Variants in PITPNC1 observed in about 807,000 individuals in gnomAD.
PITPNC1 encodes the protein cytoplasmic phosphatidylinositol transfer protein 1.
Under a neutral mutation model 44.7 loss-of-function variants are expected in PITPNC1, and 18 were observed. The ratio of observed to expected loss-of-function variants is 0.40; its 90% CI spans 0.28 to 0.60. The LOEUF is 0.60. Among genes scored for constraint, PITPNC1 ranks in the 20% least tolerant of loss-of-function variants. The pLI is 0.39. For missense variants in PITPNC1, 290 were observed against 418.4 expected (o/e 0.69, Z 2.68); for synonymous variants, 141 against 149.6 (o/e 0.94, Z 0.42).
At chr17:67,635,793 G>A (rs2042025010) in intron 6 of PITPNC1, among the ~76,000 whole-genome samples, 1 of 152,176 alleles carries the variant, frequency 6.6e-6, no homozygotes, top group Non-Finnish European at 1.5e-5. Flanking sequence ...GGTGCTGAAT[G>A]CTGCCAAGAG....
intron 8 of PITPNC1, among the ~76,000 whole-genome samples, chr17:67,683,637 T>C (rs1282618499): frequency 6.6e-6 from 1 of 152,196 alleles, no homozygotes; most frequent in African/African-American, 2.4e-5. Flanking sequence ...GATTTTCTTT[T>C]ATAGAATTTT....
intron 6 of PITPNC1, among the ~76,000 whole-genome samples, chr17:67,664,069 T>C (rs932613328): frequency 2.6e-5 from 4 of 152,148 alleles, no homozygotes; most frequent in African/African-American, 9.7e-5. Context: ...TTCAAGCAGT[T>C]CTCCTTTCCC....
chr17:67,426,165 G>A lies in PITPNC1; in HGVS notation c.48+47963G>A, dbSNP rs1486956600. Among the ~76,000 whole-genome samples, 8 of 152,160 alleles carry A rather than the reference G, an allele frequency of 5.3e-5. 1 individual carries two copies. The highest frequency in any genetic ancestry group is 4.6e-4 in the Admixed American group (7 of 15,262). On this transcript the variant is annotated intron_variant, in intron 1 of 8. Coordinates refer to ENST00000581322, the MANE Select transcript of PITPNC1 (RefSeq NM_012417.4). ...ATGCTTTTACACTGTTGGTGGGAAG[G>A]TAAATTCGTTCCACCATTGTGGAAG...
At chr17:67,432,857 G>C (rs2038876658) in intron 1 of PITPNC1, among the ~76,000 whole-genome samples, 1 of 152,156 alleles carries the variant, frequency 6.6e-6, no homozygotes, top group Non-Finnish European at 1.5e-5. Flanking sequence ...ACTGTTTATT[G>C]AGTGATTATT....
chr17:67,546,169 T>C (rs1329377411), intron 2 of PITPNC1, among the ~76,000 whole-genome samples: 2 of 115,338 alleles, frequency 1.7e-5, no homozygotes, highest in African/African-American at 3.3e-5. Context: ...AAAGTGAGAC[T>C]CCATCTCAAA....
At chr17:67,389,160 C>T (rs747398005) in intron 1 of PITPNC1, among the ~76,000 whole-genome samples, 11 of 152,194 alleles carry the variant, frequency 7.2e-5, no homozygotes, top group African/African-American at 2.2e-4. Context: ...GTTAGAGGCT[C>T]GATCCCAGAG....
rs1007660811 is a variant in PITPNC1 at position 67,693,325 on chromosome 17, G to A, written c.*437G>A. 5.8e-5 allele frequency: 9 copies of A among 155,184 alleles called. No individual in the cohort carries two copies. The highest frequency in any genetic ancestry group is 1.3e-4 in the Non-Finnish European group (9 of 69,890). The allele number at this position is 155,184 out of a possible 1,614,324, so 9.6% of individuals were successfully genotyped here. A position where few individuals can be genotyped will look rare whatever the true frequency, so the allele number is the denominator to read the frequency against. ...ATAACATACTTAGCTGTTAAATTTTGAACTGCTAATTACTAATACTTGAAT... is the reference window on the plus strand; with the variant it reads ...ATAACATACTTAGCTGTTAAATTTTAAACTGCTAATTACTAATACTTGAAT... On this transcript the variant is annotated 3_prime_UTR_variant, in exon 9 of 9. Transcript: ENST00000581322.
rs1430342379 is a variant in PITPNC1 at position 67,468,705 on chromosome 17, T to G, written c.49-64097T>G. Among the ~76,000 whole-genome samples the G allele has an allele frequency of 2.1e-5, 3 of 144,012 alleles. No individual in the cohort carries two copies. The East Asian group carries it at 6.1e-4, about 29-fold the overall frequency. 94.5% of individuals were successfully genotyped at this position (144,012 alleles called of 152,430 possible). On this transcript the variant is annotated intron_variant, in intron 1 of 8. Coordinates refer to ENST00000581322, the MANE Select transcript of PITPNC1 (RefSeq NM_012417.4). ...GGTGTGAACCACCGTGCCTGGCCGC[T>G]TTTTTTTTTGAGACGGAGTCTTGTT...
At chr17:67,577,092 G>A (rs765059911) in intron 4 of PITPNC1, among the ~76,000 whole-genome samples, 128 of 152,114 alleles carry the variant, frequency 8.4e-4, no homozygotes, top group Non-Finnish European at 9.0e-4. Context: ...GACCAGCCTG[G>A]GCAACAGAGA....
chr17:67,430,678 G>T lies in PITPNC1; in HGVS notation c.48+52476G>T, dbSNP rs925917984. Among the ~76,000 whole-genome samples, 27 of 151,148 alleles carry T rather than the reference G, an allele frequency of 1.8e-4. 1 individual carries two copies. The highest frequency in any genetic ancestry group is 6.1e-4 in the African/African-American group (25 of 41,080). ...TAAACAACAACAACAAAACAGCTGG[G>T]CGTGGTGGTGCACACCTGTCGTCCC... On this transcript the variant is annotated intron_variant, in intron 1 of 8. Transcript: ENST00000581322.
intron 5 of PITPNC1, among the ~76,000 whole-genome samples, chr17:67,609,560 GT>G (rs905761025): frequency 2.6e-5 from 4 of 151,946 alleles, no homozygotes; most frequent in African/African-American, 9.7e-5. Flanking sequence ...AAAGTCCTGG[GT>G]TTATAGGCGT....
Position 67,585,360 on chromosome 17 carries a change from AC to A in PITPNC1, c.366+7107del, listed in dbSNP as rs2041299293. Among the ~76,000 whole-genome samples, 3 of 152,164 alleles carry A rather than the reference AC, an allele frequency of 2.0e-5. No individual in the cohort carries two copies. The South Asian group carries it at 6.2e-4, about 32-fold the overall frequency. Reference sequence around the variant, plus strand: ...AGCCCTATGAGATATATGTTCCCCCACCCCAGGTTCATACGTGGAAGCTTTA... The same window carrying A: ...AGCCCTATGAGATATATGTTCCCCCACCCAGGTTCATACGTGGAAGCTTTA... On this transcript the variant is annotated intron_variant, in intron 5 of 8. Coordinates refer to ENST00000581322, the MANE Select transcript of PITPNC1 (RefSeq NM_012417.4).
intron 6 of PITPNC1, among the ~76,000 whole-genome samples, chr17:67,656,618 T>C (rs1302041864): frequency 6.6e-6 from 1 of 152,138 alleles, no homozygotes; most frequent in Admixed American, 6.6e-5. Context: ...TTGCACTGAG[T>C]TGGGACCCAG....
chr17:67,478,313 A>C (rs1311259401), intron 1 of PITPNC1, among the ~76,000 whole-genome samples: 1 of 152,072 alleles, frequency 6.6e-6, no homozygotes, highest in Non-Finnish European at 1.5e-5. Context: ...GATCTTTTTT[A>C]GTTCATTTCT....
At chr17:67,416,395 T>C (rs1483865276) in intron 1 of PITPNC1, among the ~76,000 whole-genome samples, 1 of 151,794 alleles carries the variant, frequency 6.6e-6, no homozygotes, top group Non-Finnish European at 1.5e-5. Flanking sequence ...TTTTTGTTTT[T>C]AGTAGAGATG....
intron 1 of PITPNC1, among the ~76,000 whole-genome samples, chr17:67,529,134 C>T (rs1012023697): frequency 1.9e-4 from 29 of 152,176 alleles, no homozygotes; most frequent in Non-Finnish European, 3.4e-4. Flanking sequence ...CATTCAGCAG[C>T]CACTGGAATG....
chr17:67,505,000 G>C (rs1476262465), intron 1 of PITPNC1, among the ~76,000 whole-genome samples: 1 of 151,966 alleles, frequency 6.6e-6, no homozygotes, highest in Non-Finnish European at 1.5e-5. Context: ...TAAACCCATT[G>C]GTTATTTGTG....
chr17:67,486,236 A>G (rs1354674801), intron 1 of PITPNC1, among the ~76,000 whole-genome samples: 1 of 152,178 alleles, frequency 6.6e-6, no homozygotes, highest in Non-Finnish European at 1.5e-5. Context: ...TTTGAAATAG[A>G]GTATATTATC....
intron 1 of PITPNC1, among the ~76,000 whole-genome samples, chr17:67,391,724 G>C (rs1038218505): frequency 1.3e-5 from 2 of 152,004 alleles, no homozygotes; most frequent in African/African-American, 2.4e-5. Context: ...CAGGTGATCT[G>C]CTCACCTCGG....
Sources: gnomAD v4.1 joint callset for allele counts (sites outside exome capture counted in the v4.1 genomes callset) on GRCh38, gnomAD v4.1.1 for gene constraint, MANE v1.5 for transcripts, NCBI Gene and HGNC (gene_info 2026-07-23, HGNC 2026-07-21) for gene names.